Variants in P2RY1 observed in about 807,000 individuals in gnomAD.
P2RY1 encodes purinergic receptor P2Y1.
P2RY1 carries 14 observed loss-of-function variants against 22.8 expected under a neutral mutation model. The ratio of observed to expected loss-of-function variants is 0.61; its 90% CI spans 0.41 to 0.96. The LOEUF (loss-of-function observed/expected upper bound fraction) is 0.96, where lower values mean the gene tolerates loss of function less well. Ranked by LOEUF, P2RY1 falls within the 40% of genes least tolerant of loss-of-function variation. The probability of loss-of-function intolerance (pLI) is 0.00; values close to 1 mark genes in which losing one functional copy is unlikely to be tolerated. For synonymous variants in P2RY1, 200 were observed against 195.1 expected, an observed-to-expected ratio of 1.03 and a Z score of -0.21; for missense variants, 395 against 470.3, an observed-to-expected ratio of 0.84 and a Z score of 1.48.
Position 152,836,992 on chromosome 3 carries a change from GT to G in P2RY1, c.*91del. 1 of 1,114,720 alleles carries G rather than the reference GT, an allele frequency of 9.0e-7. No individual in the cohort carries two copies. The highest frequency in any genetic ancestry group is 1.3e-6 in the Non-Finnish European group (1 of 780,936). 69.1% of individuals were successfully genotyped at this position (1,114,720 alleles called of 1,614,324 possible). The stretch of plus-strand genomic sequence containing the variant: ...TACTTTTCCCCTCTTTAACTTTCTA[GT>G]TTAGAAAAAAATCAAACCAAGAAAA... On this transcript the variant is annotated 3_prime_UTR_variant, in exon 1 of 1. Transcript: ENST00000305097. This position sits in a 1 kb window ranked among gnomAD's most constrained non-coding sequence, Gnocchi z 5.6.
Position 152,835,531 on chromosome 3 carries a change from G to T in P2RY1, c.-252G>T. ...CTGTTGTGTAAGCTCGGCGTTGCCA[G>T]CGGACGGAGAAGTTGCTGGCTTGCC... On this transcript the variant is annotated 5_prime_UTR_variant, in exon 1 of 1. Transcript: ENST00000305097. 1 of 493,498 alleles carries T rather than the reference G, an allele frequency of 2.0e-6. No individual in the cohort carries two copies. The highest frequency in any genetic ancestry group is 3.5e-6 in the Non-Finnish European group (1 of 282,084). The allele number at this position is 493,498 out of a possible 1,614,324, so 30.6% of individuals were successfully genotyped here.
chr3:152,836,202 G>C lies in P2RY1; in HGVS notation c.420G>C (p.Leu140Phe). The C allele has an allele frequency of 6.2e-7, 1 of 1,614,164 alleles. No individual in the cohort carries two copies. The highest frequency in any genetic ancestry group is 8.5e-7 in the Non-Finnish European group (1 of 1,180,038). ...ATGTGAACCTCTATGGCAGCATCTT[G>C]TTTCTGACATGCATCAGTGCCCACC... ...IFHVNLYGSILFLTCISAHRY... is the reference protein window; with the variant it reads ...IFHVNLYGSIFFLTCISAHRY... Residue 140 changes from leucine to phenylalanine, a missense_variant, in exon 1 of 1, where the codon TTG becomes TTC. Leu to Phe is a conservative substitution (Grantham distance 22). Around this residue, in one of 3 missense-constraint regions of P2RY1, gnomAD observed 291 missense variants for 361.6 expected, o/e 0.80. Coordinates refer to ENST00000305097, the MANE Select transcript of P2RY1 (RefSeq NM_002563.5). The surrounding 1 kb of genome is among the most constrained non-coding windows in gnomAD (Gnocchi z 5.6).
In P2RY1 at chr3:152,835,306, T is replaced by G. The variant is rs1716115780; in HGVS notation, c.-477T>G. ...GCCCCGAAACTGAGCTGCACGTTTC[T>G]AAGGTAGGGAGGAGGAAGATGCCCC... On this transcript the variant is annotated 5_prime_UTR_variant, in exon 1 of 1. Transcript: ENST00000305097. The G allele has an allele frequency of 6.3e-6, 1 of 157,724 alleles. No individual in the cohort carries two copies. Among genetic ancestry groups the G allele is most frequent in the African/African-American group, 2.4e-5 (1 of 41,556 alleles). The allele number at this position is 157,724 out of a possible 1,614,324, so 9.8% of individuals were successfully genotyped here.
rs577890837 is a variant in P2RY1, at chr3:152,836,057, A to G, written c.275A>G (p.Asn92Ser). 8 of 1,614,056 alleles carry G rather than the reference A, an allele frequency of 5.0e-6. No homozygotes were observed. Among genetic ancestry groups the G allele is most frequent in the African/African-American group, 2.7e-5 (2 of 74,990 alleles). The change falls in exon 1 of 1, where the codon AAT becomes AGT. Residue 92 changes from asparagine (N) to serine (S), a missense_variant. By Grantham distance (46) the Asn-to-Ser change is conservative. Coordinates refer to ENST00000305097, the MANE Select transcript of P2RY1 (RefSeq NM_002563.5). This position sits in a 1 kb window ranked among gnomAD's most constrained non-coding sequence, Gnocchi z 5.6. ...AGCGGCATCTCCGTGTACATGTTCAATTTGGCTCTGGCCGACTTCTTGTAC... is the reference window on the plus strand; with the variant it reads ...AGCGGCATCTCCGTGTACATGTTCAGTTTGGCTCTGGCCGACTTCTTGTAC... ...PWSGISVYMF[N>S]LALADFLYVL...
At position 152,840,013 on chromosome 3, in the gene P2RY1, CT is replaced by C. The variant is rs751877773; in HGVS notation, c.*3112del. 6.6e-6 allele frequency: 1 copy of C among 152,132 alleles called. No individual in the cohort carries two copies. Among genetic ancestry groups the C allele is most frequent in the Admixed American group, 6.6e-5 (1 of 15,264 alleles). 9.4% of individuals were successfully genotyped at this position (152,132 alleles called of 1,614,324 possible). On this transcript the variant is annotated 3_prime_UTR_variant, in exon 1 of 1. Coordinates refer to ENST00000305097, the MANE Select transcript of P2RY1 (RefSeq NM_002563.5). The stretch of plus-strand genomic sequence containing the variant: ...TAGTTAGTATCTATTGAAGCTTAAA[CT>C]TTGCTGGTCAGGTTGTAGCTATTGT...
In P2RY1 at chr3:152,838,464, T is replaced by G. The variant is rs1172592540; in HGVS notation, c.*1560T>G. 1 of 152,200 alleles carries G rather than the reference T, an allele frequency of 6.6e-6. No individual in the cohort carries two copies. Among genetic ancestry groups the G allele is most frequent in the East Asian group, 1.9e-4 (1 of 5,194 alleles). 9.4% of individuals were successfully genotyped at this position (152,200 alleles called of 1,614,324 possible). A position where few individuals can be genotyped will look rare whatever the true frequency, so the allele number is the denominator to read the frequency against. ...TTTTAGTTTTGGAAGCTATCCCTCA[T>G]AAAGTCAACATCAGAGTTTGCAACT... On this transcript the variant is annotated 3_prime_UTR_variant, in exon 1 of 1. Transcript: ENST00000305097.
In P2RY1 at chr3:152,839,162, C is replaced by T. The variant is rs1158092127; in HGVS notation, c.*2258C>T. On this transcript the variant is annotated 3_prime_UTR_variant, in exon 1 of 1. Transcript: ENST00000305097. ...AGGAGGTGAACAGTAACTAGAAATG[C>T]TTGTTTACTACTTGGCATGTTTTTT... 5 of 152,134 alleles carry T rather than the reference C, an allele frequency of 3.3e-5. No individual in the cohort carries two copies. Among genetic ancestry groups the T allele is most frequent in the South Asian group, 2.1e-4 (1 of 4,816 alleles). The allele number at this position is 152,134 out of a possible 1,614,324, so 9.4% of individuals were successfully genotyped here.
Position 152,836,345 on chromosome 3 carries a change from T to A in P2RY1, c.563T>A (p.Phe188Tyr). ...IVVVAISPIL[F>Y]YSGTGVRKNK... ...GTGGTGGCGATCTCCCCCATCCTCTTCTACTCAGGTACCGGGGTCCGCAAA... is the reference window on the plus strand; with the variant it reads ...GTGGTGGCGATCTCCCCCATCCTCTACTACTCAGGTACCGGGGTCCGCAAA... Residue 188 changes from phenylalanine to tyrosine, a missense_variant, in exon 1 of 1, where the codon TTC becomes TAC. This residue lies in a region of P2RY1 where 291 missense variants were observed against 361.6 expected (regional missense o/e 0.80). Coordinates refer to ENST00000305097, the MANE Select transcript of P2RY1 (RefSeq NM_002563.5). The surrounding 1 kb of genome is among the most constrained non-coding windows in gnomAD (Gnocchi z 5.6). 2 of 1,614,068 alleles carry A rather than the reference T, an allele frequency of 1.2e-6. No individual in the cohort carries two copies. The highest frequency in any genetic ancestry group is 8.5e-7 in the Non-Finnish European group (1 of 1,180,008).
In P2RY1 at chr3:152,835,654, C is replaced by G. The variant is rs1716132112; in HGVS notation, c.-129C>G. On this transcript the variant is annotated 5_prime_UTR_variant, in exon 1 of 1. Coordinates refer to ENST00000305097, the MANE Select transcript of P2RY1 (RefSeq NM_002563.5). The stretch of plus-strand genomic sequence containing the variant: ...GGGCGAGCCCCTGCGCGCCCCCTCC[C>G]GCGGGGATCCAGTTCGCCTGCTCCC... The G allele has an allele frequency of 1.1e-6, 1 of 930,658 alleles. No individual in the cohort carries two copies. The highest frequency in any genetic ancestry group is 1.6e-6 in the Non-Finnish European group (1 of 641,568). The allele number at this position is 930,658 out of a possible 1,614,324, so 57.7% of individuals were successfully genotyped here.
In P2RY1 at chr3:152,835,152, G is replaced by T. The variant is rs1716109746; in HGVS notation, c.-631G>T. The stretch of plus-strand genomic sequence containing the variant: ...CGGCACTCCGGACAGAGCTGGGCCT[G>T]GGGAAGGGGTTCCTGAACTACGCGG... On this transcript the variant is annotated 5_prime_UTR_variant, in exon 1 of 1. Coordinates refer to ENST00000305097, the MANE Select transcript of P2RY1 (RefSeq NM_002563.5). 6.6e-6 allele frequency: 1 copy of T among 152,608 alleles called. No homozygotes were observed. Among genetic ancestry groups the T allele is most frequent in the Non-Finnish European group, 1.5e-5 (1 of 68,366 alleles). 9.5% of individuals were successfully genotyped at this position (152,608 alleles called of 1,614,324 possible). A position where few individuals can be genotyped will look rare whatever the true frequency, so the allele number is the denominator to read the frequency against.
At position 152,836,775 on chromosome 3, in the gene P2RY1, CAGA is replaced by C; in HGVS notation, c.996_998del (p.Arg334del). ...TCTATTTCTTGGCGGGAGATACTTTCAGAAGGAGACTCTCCCGAGCCACAAGGA... is the reference window on the plus strand; with the variant it reads ...TCTATTTCTTGGCGGGAGATACTTTCAGGAGACTCTCCCGAGCCACAAGGA... On this transcript the variant is annotated inframe_deletion, in exon 1 of 1. Coordinates refer to ENST00000305097, the MANE Select transcript of P2RY1 (RefSeq NM_002563.5). The surrounding 1 kb of genome is among the most constrained non-coding windows in gnomAD (Gnocchi z 5.6). 1 of 1,614,012 alleles carries C rather than the reference CAGA, an allele frequency of 6.2e-7. No homozygotes were observed. Among genetic ancestry groups the C allele is most frequent in the Non-Finnish European group, 8.5e-7 (1 of 1,180,022 alleles).
rs1229330476 is a variant in P2RY1, at chr3:152,840,096, C to A, written c.*3192C>A. On this transcript the variant is annotated 3_prime_UTR_variant, in exon 1 of 1. Coordinates refer to ENST00000305097, the MANE Select transcript of P2RY1 (RefSeq NM_002563.5). Reference sequence around the variant, plus strand: ...TCAGTTGTACAGACTGAAAAACTTTCATGAAAGATCCAACATACTAATGTA... The same window carrying A: ...TCAGTTGTACAGACTGAAAAACTTTAATGAAAGATCCAACATACTAATGTA... The A allele has an allele frequency of 6.6e-6, 1 of 152,146 alleles. No individual in the cohort carries two copies. The highest frequency in any genetic ancestry group is 1.5e-5 in the Non-Finnish European group (1 of 68,026). 9.4% of individuals were successfully genotyped at this position (152,146 alleles called of 1,614,324 possible).
Position 152,837,347 on chromosome 3 carries a change from A to T in P2RY1, c.*443A>T, listed in dbSNP as rs1716191444. Reference sequence around the variant, plus strand: ...ATAAAAAATCTATATTCTCAGAAATATCTAGCATGGTATATAACAAAACAC... The same window carrying T: ...ATAAAAAATCTATATTCTCAGAAATTTCTAGCATGGTATATAACAAAACAC... On this transcript the variant is annotated 3_prime_UTR_variant, in exon 1 of 1. Coordinates refer to ENST00000305097, the MANE Select transcript of P2RY1 (RefSeq NM_002563.5). 5.7e-6 allele frequency: 1 copy of T among 175,584 alleles called. No individual in the cohort carries two copies. Among genetic ancestry groups the T allele is most frequent in the Non-Finnish European group, 1.4e-5 (1 of 72,848 alleles). The allele number at this position is 175,584 out of a possible 1,614,324, so 10.9% of individuals were successfully genotyped here.
In P2RY1 at chr3:152,835,532, C is replaced by G. The variant is rs370651183; in HGVS notation, c.-251C>G. On this transcript the variant is annotated 5_prime_UTR_variant, in exon 1 of 1. Coordinates refer to ENST00000305097, the MANE Select transcript of P2RY1 (RefSeq NM_002563.5). ...TGTTGTGTAAGCTCGGCGTTGCCAG[C>G]GGACGGAGAAGTTGCTGGCTTGCCC... is the stretch of plus-strand genomic sequence containing the variant. 3.3e-5 allele frequency: 16 copies of G among 491,864 alleles called. No homozygotes were observed. The East Asian group carries it at 3.4e-4, about 11-fold the overall frequency. 30.5% of individuals were successfully genotyped at this position (491,864 alleles called of 1,614,324 possible).
Position 152,839,237 on chromosome 3 carries a change from C to T in P2RY1, c.*2333C>T, listed in dbSNP as rs373648445. 2.3e-4 allele frequency: 35 copies of T among 152,284 alleles called. No individual in the cohort carries two copies. The highest frequency in any genetic ancestry group is 8.4e-4 in the African/African-American group (35 of 41,556). The allele number at this position is 152,284 out of a possible 1,614,324, so 9.4% of individuals were successfully genotyped here. On this transcript the variant is annotated 3_prime_UTR_variant, in exon 1 of 1. Transcript: ENST00000305097. ...ATACATCACATATGGACACTGATGACATGTGAATGCATGCCACATAGTAAC... is the reference window on the plus strand; with the variant it reads ...ATACATCACATATGGACACTGATGATATGTGAATGCATGCCACATAGTAAC...
Position 152,836,033 on chromosome 3 carries a change from G to A in P2RY1, c.251G>A (p.Ser84Asn), listed in dbSNP as rs1454015182. 1 of 1,614,232 alleles carries A rather than the reference G, an allele frequency of 6.2e-7. No homozygotes were observed. Among genetic ancestry groups the A allele is most frequent in the Non-Finnish European group, 8.5e-7 (1 of 1,180,050 alleles). The change falls in exon 1 of 1, where the codon AGC (serine) becomes AAC (asparagine). Residue 84 changes from serine to asparagine, a missense_variant. By Grantham distance (46) the Ser-to-Asn change is conservative (BLOSUM62 1). This residue lies in a region of P2RY1 where 291 missense variants were observed against 361.6 expected (regional missense o/e 0.80). Transcript: ENST00000305097. This position sits in a 1 kb window ranked among gnomAD's most constrained non-coding sequence, Gnocchi z 5.6. ...TTCGTCTTCCACATGAAGCCCTGGAGCGGCATCTCCGTGTACATGTTCAAT... is the reference window on the plus strand; with the variant it reads ...TTCGTCTTCCACATGAAGCCCTGGAACGGCATCTCCGTGTACATGTTCAAT... ...WMFVFHMKPW[S>N]GISVYMFNLA...
rs1394002626 is a variant in P2RY1, at chr3:152,837,435, G to A, written c.*531G>A. 3 of 166,790 alleles carry A rather than the reference G, an allele frequency of 1.8e-5. No homozygotes were observed. Among genetic ancestry groups the A allele is most frequent in the Admixed American group, 6.5e-5 (1 of 15,294 alleles). The allele number at this position is 166,790 out of a possible 1,614,324, so 10.3% of individuals were successfully genotyped here. The stretch of plus-strand genomic sequence containing the variant: ...CTCTGAGCGGGGTGTTTTTTTCAGT[G>A]TCTTATAAGCATAGATGATAGTTGA... On this transcript the variant is annotated 3_prime_UTR_variant, in exon 1 of 1. Transcript: ENST00000305097.
Position 152,839,330 on chromosome 3 carries a change from C to T in P2RY1, c.*2426C>T, listed in dbSNP as rs1034187610. 1 of 152,100 alleles carries T rather than the reference C, an allele frequency of 6.6e-6. No individual in the cohort carries two copies. Among genetic ancestry groups the T allele is most frequent in the African/African-American group, 2.4e-5 (1 of 41,410 alleles). 9.4% of individuals were successfully genotyped at this position (152,100 alleles called of 1,614,324 possible). On this transcript the variant is annotated 3_prime_UTR_variant, in exon 1 of 1. Transcript: ENST00000305097. Reference sequence around the variant, plus strand: ...TGGGAAGGTGTGCCAATGGTGAAAACGTACAGAGGGTCAGGGTGAAGCAGT... The same window carrying T: ...TGGGAAGGTGTGCCAATGGTGAAAATGTACAGAGGGTCAGGGTGAAGCAGT...
chr3:152,835,390 C>T lies in P2RY1; in HGVS notation c.-393C>T, dbSNP rs1716118288. ...GGAGCAGCCTCCCCAAGCTAGAGCC[C>T]TGCAGAGCGAGTTTCCCTTGACCTC... On this transcript the variant is annotated 5_prime_UTR_variant, in exon 1 of 1. Coordinates refer to ENST00000305097, the MANE Select transcript of P2RY1 (RefSeq NM_002563.5). 1 of 230,640 alleles carries T rather than the reference C, an allele frequency of 4.3e-6. No homozygotes were observed. The highest frequency in any genetic ancestry group is 9.1e-5 in the South Asian group (1 of 11,006). The allele number at this position is 230,640 out of a possible 1,614,324, so 14.3% of individuals were successfully genotyped here.
Sources: gnomAD v4.1 joint callset for allele counts on GRCh38, gnomAD v4.1.1 for gene constraint, gnomAD v4.1.1 regional missense constraint, Gnocchi (gnomAD v3.1) non-coding constraint, MANE v1.5 for transcripts, NCBI Gene and HGNC (gene_info 2026-07-23, HGNC 2026-07-21) for gene names.